The following STAT4 variants were observed in gnomAD, a reference collection of about 807,000 sequenced individuals.
STAT4 encodes the protein signal transducer and activator of transcription 4.
A neutral mutation model predicts 110.5 loss-of-function variants in STAT4; 42 were observed. The ratio of observed to expected loss-of-function variants is 0.38; its 90% CI spans 0.30 to 0.49. STAT4 has a LOEUF of 0.49. Among genes scored for constraint, STAT4 ranks in the 20% least tolerant of loss-of-function variants. The pLI is 0.95. For synonymous variants in STAT4, 284 were observed against 302.2 expected (o/e 0.94, Z 0.63); for missense variants, 632 against 887.9 (o/e 0.71, Z 3.66).
At chr2:191,101,667 T>G (rs868725328) in intron 3 of STAT4, among the ~76,000 whole-genome samples, 6 of 152,168 alleles carry the variant, frequency 3.9e-5, no homozygotes, top group Non-Finnish European at 2.9e-5. Flanking sequence ...GAGAAATGTG[T>G]TAAAGTGTCC....
chr2:191,084,705 G>C (rs1180108843), intron 3 of STAT4, among the ~76,000 whole-genome samples: 3 of 152,012 alleles, frequency 2.0e-5, no homozygotes, highest in Admixed American at 6.6e-5. Context: ...ATGTGAGCAA[G>C]TTAGCTAAAT....
At chr2:191,038,686 C>A (rs763501918) in intron 16 of STAT4, among the ~76,000 whole-genome samples, 2 of 152,142 alleles carry the variant, frequency 1.3e-5, no homozygotes, top group African/African-American at 4.8e-5. Context: ...AGTGTCACAA[C>A]GACCAGATAG....
intron 3 of STAT4, among the ~76,000 whole-genome samples, chr2:191,123,237 A>G (rs1055275892): frequency 1.3e-5 from 2 of 152,206 alleles, no homozygotes; most frequent in African/African-American, 4.8e-5. Flanking sequence ...CCTGGAGTCC[A>G]GAGTGTCAGA....
At chr2:191,141,597 G>GTATA (rs150128804) in intron 3 of STAT4, among the ~76,000 whole-genome samples, 1 of 141,840 alleles carries the variant, frequency 7.1e-6, no homozygotes, top group Non-Finnish European at 1.6e-5. Context: ...ATATATATGT[G>GTATA]TATATATACA....
Position 191,066,298 on chromosome 2 carries a change from T to C in STAT4, c.630+132A>G, listed in dbSNP as rs1696984178. ...ATGGCAAACAGCGTGGGACTGTTCC[T>C]AGAAACCTTGCCGTTTCTTCATTCA... On this transcript the variant is annotated intron_variant, in intron 7 of 23. Coordinates refer to ENST00000392320, the MANE Select transcript of STAT4 (RefSeq NM_003151.4). This position sits in a 1 kb window ranked among gnomAD's most constrained non-coding sequence, Gnocchi z 4.3. The C allele has an allele frequency of 1.3e-6, 1 of 788,728 alleles. No homozygotes were observed. The highest frequency in any genetic ancestry group is 2.1e-6 in the Non-Finnish European group (1 of 484,916). The allele number at this position is 788,728 out of a possible 1,614,324, so 48.9% of individuals were successfully genotyped here.
rs1699568527 is a variant in STAT4 at position 191,150,586 on chromosome 2, C to T, written c.-2+361G>A. ...CAAGCTTTTTTCTGAAATCCAGGTA[C>T]GCTAATCTAAAGTCAGACATCACAG... is the stretch of plus-strand genomic sequence containing the variant. On this transcript the variant is annotated intron_variant, in intron 1 of 23. Coordinates refer to ENST00000392320, the MANE Select transcript of STAT4 (RefSeq NM_003151.4). The surrounding 1 kb of genome is among the most constrained non-coding windows in gnomAD (Gnocchi z 6.4). Among the ~76,000 whole-genome samples, 2 of 152,170 alleles carry T rather than the reference C, an allele frequency of 1.3e-5. No homozygotes were observed. The highest frequency in any genetic ancestry group is 1.3e-4 in the Admixed American group (2 of 15,280).
Position 191,039,371 on chromosome 2 carries a change from C to T in STAT4, c.1336-74G>A. The T allele has an allele frequency of 1.5e-6, 2 of 1,313,508 alleles. No individual in the cohort carries two copies. The highest frequency in any genetic ancestry group is 2.2e-6 in the Non-Finnish European group (2 of 909,856). 81.4% of individuals were successfully genotyped at this position (1,313,508 alleles called of 1,614,324 possible). A position where few individuals can be genotyped will look rare whatever the true frequency, so the allele number is the denominator to read the frequency against. On this transcript the variant is annotated intron_variant, in intron 15 of 23. Transcript: ENST00000392320. The surrounding 1 kb of genome is among the most constrained non-coding windows in gnomAD (Gnocchi z 4.7). ...CATTGATCTTATGCTTGACCCTCGC[C>T]TCTAAAGGGCCAATCTCAAGCCAGC...
intron 3 of STAT4, among the ~76,000 whole-genome samples, chr2:191,094,443 C>T (rs1559064199): frequency 6.6e-6 from 1 of 152,102 alleles, no homozygotes; most frequent in Non-Finnish European, 1.5e-5. Context: ...CTCAACATTC[C>T]TAAAGAAAAG....
intron 3 of STAT4, among the ~76,000 whole-genome samples, chr2:191,134,413 G>T (rs1180716525): frequency 6.6e-6 from 1 of 152,068 alleles, no homozygotes; most frequent in African/African-American, 2.4e-5. Context: ...GCTAACACTG[G>T]TGCCAGCATA....
In STAT4 at chr2:191,062,308, A is replaced by G. The variant is rs373078446; in HGVS notation, c.941+454T>C. ...CTGAGCTCAAGCAACCCCTTGCCTC[A>G]GCCTCCCAAGGTGCTGAGATTACAG... On this transcript the variant is annotated intron_variant, in intron 9 of 23. Coordinates refer to ENST00000392320, the MANE Select transcript of STAT4 (RefSeq NM_003151.4). The surrounding 1 kb of genome is among the most constrained non-coding windows in gnomAD (Gnocchi z 4.9). Among the ~76,000 whole-genome samples the G allele has an allele frequency of 5.3e-5, 8 of 152,244 alleles. No homozygotes were observed. The highest frequency in any genetic ancestry group is 1.9e-4 in the African/African-American group (8 of 41,534).
At chr2:191,074,932 G>A (rs761863777) in intron 4 of STAT4, among the ~76,000 whole-genome samples, 10 of 152,106 alleles carry the variant, frequency 6.6e-5, no homozygotes, top group Admixed American at 2.6e-4. Flanking sequence ...AGGTCAAGGT[G>A]GGAAGATCAC....
intron 3 of STAT4, among the ~76,000 whole-genome samples, chr2:191,088,256 G>A (rs1325034672): frequency 6.6e-6 from 1 of 152,048 alleles, no homozygotes; most frequent in Admixed American, 6.6e-5. Context: ...AAAGTCAATT[G>A]CTTTCCTATT....
chr2:191,109,739 A>G (rs989217005), intron 3 of STAT4, among the ~76,000 whole-genome samples: 7 of 152,106 alleles, frequency 4.6e-5, no homozygotes, highest in African/African-American at 1.7e-4. Context: ...TTTTCATTCT[A>G]TTATTTCCCA....
rs1215473086 is a variant in STAT4, at chr2:191,046,709, C to G, written c.1252-5561G>C. Among the ~76,000 whole-genome samples, 1 of 152,158 alleles carries G rather than the reference C, an allele frequency of 6.6e-6. No individual in the cohort carries two copies. The highest frequency in any genetic ancestry group is 1.5e-5 in the Non-Finnish European group (1 of 68,030). On this transcript the variant is annotated intron_variant, in intron 14 of 23. Coordinates refer to ENST00000392320, the MANE Select transcript of STAT4 (RefSeq NM_003151.4). This position sits in a 1 kb window ranked among gnomAD's most constrained non-coding sequence, Gnocchi z 4.6. Reference sequence around the variant, plus strand: ...AGAAATCTATATTTGGTCCCTGCACCTGGTTACTGAGACAGAGCTCCTAAG... The same window carrying G: ...AGAAATCTATATTTGGTCCCTGCACGTGGTTACTGAGACAGAGCTCCTAAG...
intron 4 of STAT4, among the ~76,000 whole-genome samples, chr2:191,075,732 T>A (rs1430176964): frequency 6.6e-6 from 1 of 151,860 alleles, no homozygotes; most frequent in Non-Finnish European, 1.5e-5. Context: ...TACGCAAAGA[T>A]GATACTAAGA....
Position 191,046,791 on chromosome 2 carries a change from T to C in STAT4, c.1252-5643A>G, listed in dbSNP as rs1696366458. On this transcript the variant is annotated intron_variant, in intron 14 of 23. Transcript: ENST00000392320. The surrounding 1 kb of genome is among the most constrained non-coding windows in gnomAD (Gnocchi z 4.6). ...TCTGTTCTAAAAATTTGGTCTTTGA[T>C]CCTGGTTCCTGACACGGGTTCCTAA... Among the ~76,000 whole-genome samples, 1 of 152,196 alleles carries C rather than the reference T, an allele frequency of 6.6e-6. No homozygotes were observed. Among genetic ancestry groups the C allele is most frequent in the Non-Finnish European group, 1.5e-5 (1 of 68,040 alleles).
intron 13 of STAT4, among the ~76,000 whole-genome samples, chr2:191,055,454 C>CCT (rs1559046581): frequency 7.2e-6 from 1 of 139,652 alleles, no homozygotes; most frequent in Admixed American, 8.0e-5. Flanking sequence ...CTCCTGACTT[C>CCT]GTGATCCACC....
chr2:191,042,775 CTCT>C lies in STAT4; in HGVS notation c.1252-1630_1252-1628del, dbSNP rs1696242857. Among the ~76,000 whole-genome samples, 1 of 136,698 alleles carries C rather than the reference CTCT, an allele frequency of 7.3e-6. No individual in the cohort carries two copies. Among genetic ancestry groups the C allele is most frequent in the African/African-American group, 2.8e-5 (1 of 35,964 alleles). 89.7% of individuals were successfully genotyped at this position (136,698 alleles called of 152,430 possible). On this transcript the variant is annotated intron_variant, in intron 14 of 23. Transcript: ENST00000392320. This position sits in a 1 kb window ranked among gnomAD's most constrained non-coding sequence, Gnocchi z 4.2. Reference sequence around the variant, plus strand: ...TGCTTAAATTCATTCATTGTATTCTCTCTTTTTTTTTTTTCTTTTTTGAGATGC... The same window carrying C: ...TGCTTAAATTCATTCATTGTATTCTCTTTTTTTTTTTCTTTTTTGAGATGC...
chr2:191,054,659 C>CAATGAGTTTG, intron 13 of STAT4, 125 bp from the exon 14 acceptor site: 1 of 769,078 alleles, frequency 1.3e-6, no homozygotes, highest in Non-Finnish European at 2.1e-6. Flanking sequence ...AACATATTTT[C>CAATGAGTTTG]AAACTCATTG....
Sources: allele counts gnomAD v4.1 joint callset (sites outside exome capture counted in the v4.1 genomes callset), GRCh38; gene constraint gnomAD v4.1.1; non-coding constraint Gnocchi (gnomAD v3.1); transcripts MANE v1.5; gene names NCBI Gene and HGNC (gene_info 2026-07-23, HGNC 2026-07-21).